CTNNA3: variants seen among roughly 807,000 people sequenced by gnomAD.
CTNNA3 encodes catenin alpha 3.
A neutral mutation model predicts 95.7 loss-of-function variants in CTNNA3; 76 were observed. The observed-to-expected ratio is 0.79, with a 90% CI of 0.66 to 0.96. The LOEUF is 0.96. CTNNA3 is among the 40% of genes least tolerant of loss of function. The pLI is 0.00. For synonymous variants in CTNNA3, 431 were observed against 374.4 expected, an observed-to-expected ratio of 1.15 and a Z score of -1.74; for missense variants, 1,191 against 1,089.8, an observed-to-expected ratio of 1.09 and a Z score of -1.31.
At chr10:66,997,657 T>C (rs186445655) in intron 7 of CTNNA3, among the ~76,000 whole-genome samples, 61 of 152,340 alleles carry the variant, frequency 4.0e-4, no homozygotes, top group African/African-American at 1.4e-3. Flanking sequence ...CTCTCTGTTC[T>C]ATCACATTTC....
chr10:67,298,043 C>A (rs1214353328), intron 5 of CTNNA3, among the ~76,000 whole-genome samples: 1 of 152,182 alleles, frequency 6.6e-6, no homozygotes, highest in Non-Finnish European at 1.5e-5. Flanking sequence ...GTAAGATGTA[C>A]AAGTACTTTT....
chr10:66,971,836 T>C (rs1426185155), intron 7 of CTNNA3, among the ~76,000 whole-genome samples: 1 of 152,158 alleles, frequency 6.6e-6, no homozygotes, highest in African/African-American at 2.4e-5. Flanking sequence ...CAATAGGTTC[T>C]TCTCTTTAAT....
At chr10:67,571,042 T>G (rs767818754) in intron 3 of CTNNA3, among the ~76,000 whole-genome samples, 1 of 152,196 alleles carries the variant, frequency 6.6e-6, no homozygotes, top group Non-Finnish European at 1.5e-5. Context: ...ACTAAGTCTA[T>G]GTTTTAGGAA....
intron 3 of CTNNA3, among the ~76,000 whole-genome samples, chr10:67,553,039 T>C (rs1841090563): frequency 6.6e-6 from 1 of 152,188 alleles, no homozygotes; most frequent in African/African-American, 2.4e-5. Flanking sequence ...TTCTGTGATC[T>C]TAAATTTTCA....
intron 7 of CTNNA3, chr10:66,926,474 G>T: frequency 7.9e-7 from 1 of 1,271,776 alleles, no homozygotes; most frequent in African/African-American, 1.5e-5. Flanking sequence ...TTTTCTTCCT[G>T]GGTGTCAGCG....
chr10:66,448,304 T>C (rs1215278292), intron 11 of CTNNA3, among the ~76,000 whole-genome samples: 1 of 152,188 alleles, frequency 6.6e-6, no homozygotes, highest in Non-Finnish European at 1.5e-5. Flanking sequence ...AAATATCATT[T>C]GACCCAGCCA....
At chr10:66,378,256 G>A (rs990525092) in intron 12 of CTNNA3, among the ~76,000 whole-genome samples, 7 of 152,146 alleles carry the variant, frequency 4.6e-5, no homozygotes, top group Non-Finnish European at 2.9e-5. Flanking sequence ...GCTAAACAAT[G>A]TGCATATCAA....
chr10:66,263,084 C>A (rs766665284), intron 13 of CTNNA3, among the ~76,000 whole-genome samples: 1 of 151,900 alleles, frequency 6.6e-6, no homozygotes, highest in African/African-American at 2.4e-5. Context: ...AACAGACATA[C>A]GGTTGGAAGA....
chr10:66,479,764 T>C (rs1046926783), intron 11 of CTNNA3, among the ~76,000 whole-genome samples: 3 of 137,594 alleles, frequency 2.2e-5, no homozygotes, highest in African/African-American at 9.0e-5. Context: ...TTTAGGTGTG[T>C]TTTTAACTGC....
intron 1 of CTNNA3, among the ~76,000 whole-genome samples, chr10:67,736,126 T>C (rs1357711572): frequency 6.6e-6 from 1 of 152,200 alleles, no homozygotes; most frequent in Non-Finnish European, 1.5e-5. Context: ...AAGAATTAAA[T>C]TCTGATACAT....
chr10:65,914,912 A>G lies in CTNNA3; in HGVS notation c.*5418T>C, dbSNP rs2076987714. On this transcript the variant is annotated 3_prime_UTR_variant, in exon 18 of 18. Coordinates refer to ENST00000433211, the MANE Select transcript of CTNNA3 (RefSeq NM_013266.4). ...TGTAAAATATATATTAATATTTTAAAGCCAGTGAGACTTTGAGCAAGATTC... is the reference window on the plus strand; with the variant it reads ...TGTAAAATATATATTAATATTTTAAGGCCAGTGAGACTTTGAGCAAGATTC... 6.6e-6 allele frequency: 1 copy of G among 152,198 alleles called. No individual in the cohort carries two copies. Among genetic ancestry groups the G allele is most frequent in the African/African-American group, 2.4e-5 (1 of 41,454 alleles). The allele number at this position is 152,198 out of a possible 1,614,324, so 9.4% of individuals were successfully genotyped here.
intron 5 of CTNNA3, among the ~76,000 whole-genome samples, chr10:67,453,227 G>C (rs1032745490): frequency 4.6e-5 from 7 of 152,136 alleles, no homozygotes; most frequent in Admixed American, 2.0e-4. Flanking sequence ...ACATATGAAA[G>C]ACATGAAAAT....
intron 2 of CTNNA3, among the ~76,000 whole-genome samples, chr10:67,614,156 T>C (rs1025230997): frequency 6.6e-6 from 1 of 152,126 alleles, no homozygotes; most frequent in African/African-American, 2.4e-5. Flanking sequence ...AGAGTGCTGA[T>C]TGGTCCATTT....
intron 9 of CTNNA3, among the ~76,000 whole-genome samples, chr10:66,753,273 G>A (rs1420318003): frequency 1.3e-5 from 2 of 152,094 alleles, no homozygotes; most frequent in Non-Finnish European, 2.9e-5. Flanking sequence ...GCCTTTGGAG[G>A]ATGCTTTGTA....
At chr10:67,300,181 C>A (rs1005053780) in intron 5 of CTNNA3, among the ~76,000 whole-genome samples, 1 of 152,172 alleles carries the variant, frequency 6.6e-6, no homozygotes, top group African/African-American at 2.4e-5. Context: ...ACCGCTCCCC[C>A]CACAAAAAAT....
intron 9 of CTNNA3, among the ~76,000 whole-genome samples, chr10:66,668,333 A>T (rs1331968837): frequency 6.6e-6 from 1 of 151,996 alleles, no homozygotes; most frequent in Admixed American, 6.6e-5. Context: ...TAGAATGAGG[A>T]GCCTGTTTCC....
At chr10:66,706,938 G>A (rs1240555120) in intron 9 of CTNNA3, among the ~76,000 whole-genome samples, 1 of 151,932 alleles carries the variant, frequency 6.6e-6, no homozygotes, top group African/African-American at 2.4e-5. Context: ...AACATTATTA[G>A]GAAAGAGACA....
intron 11 of CTNNA3, among the ~76,000 whole-genome samples, chr10:66,422,273 A>G (rs1426151248): frequency 1.3e-5 from 2 of 152,148 alleles, no homozygotes; most frequent in Non-Finnish European, 2.9e-5. Flanking sequence ...TTGAAAATAT[A>G]TATTAATATT....
chr10:67,109,023 G>A (rs1001953985), intron 7 of CTNNA3, among the ~76,000 whole-genome samples: 6 of 151,936 alleles, frequency 3.9e-5, no homozygotes, highest in Non-Finnish European at 7.4e-5. Flanking sequence ...GTTTTGTTTT[G>A]TTTTTAAAAA....
Sources: allele counts gnomAD v4.1 joint callset (sites outside exome capture counted in the v4.1 genomes callset), GRCh38; gene constraint gnomAD v4.1.1; transcripts MANE v1.5; gene names NCBI Gene and HGNC (gene_info 2026-07-23, HGNC 2026-07-21).